Variants in NOL9 observed in about 807,000 individuals in gnomAD.
NOL9 encodes nucleolar protein 9, also known as polynucleotide 5'-hydroxyl-kinase NOL9.
NOL9 carries 28 observed loss-of-function variants against 67.9 expected under a neutral mutation model. The ratio of observed to expected loss-of-function variants is 0.41; its 90% CI spans 0.31 to 0.57. NOL9 has a LOEUF of 0.57. Ranked by LOEUF, NOL9 falls within the 20% of genes least tolerant of loss-of-function variation. NOL9 has a pLI of 0.25. For missense variants in NOL9, 777 were observed against 897.0 expected (o/e 0.87, Z 1.71); for synonymous variants, 356 against 352.2 (o/e 1.01, Z -0.12).
At chr1:6,548,095 C>T (rs371384699) in intron 3 of NOL9, 220 of 227,846 alleles carry the variant, frequency 9.7e-4, no homozygotes, top group Admixed American at 1.4e-3. Flanking sequence ...ATTGGCGTGG[C>T]CCAGGCAGGC....
In NOL9 at chr1:6,532,687, G is replaced by A. The variant is rs1038774099; in HGVS notation, c.1311C>T (p.Asp437=). Residue 437 remains aspartate, a synonymous_variant, in exon 8 of 12, where the codon GAC becomes GAT. Transcript: ENST00000377705. ...TAAGGTCTGGCATATATTTACTGTG[G>A]TCAGAGCGGAACTGAACCACGTGGC... is the stretch of plus-strand genomic sequence containing the variant. ...SPSHVVQFRS[D]HSKYMPDLTP... is the part of the protein sequence containing the mutation. 5 of 1,614,032 alleles carry A rather than the reference G, an allele frequency of 3.1e-6. No homozygotes were observed. The highest frequency in any genetic ancestry group is 1.1e-5 in the South Asian group (1 of 91,094).
chr1:6,527,643 A>AC (rs1006830696), intron 10 of NOL9, among the ~76,000 whole-genome samples: 87 of 151,756 alleles, frequency 5.7e-4, no homozygotes, highest in African/African-American at 2.0e-3. Context: ...ACAAAACAAA[A>AC]AAAAAACAGC....
At chr1:6,526,674 C>T in intron 11 of NOL9, 22 bp downstream of exon 11, 1 of 1,599,066 alleles carries the variant, frequency 6.3e-7, no homozygotes, top group South Asian at 1.1e-5. Context: ...CCTTCCAGGG[C>T]TGTGCCCGGG....
chr1:6,540,905 A>C lies in NOL9; in HGVS notation c.1075+925T>G, dbSNP rs187893225. On this transcript the variant is annotated intron_variant, in intron 6 of 11. Transcript: ENST00000377705. ...AAAAAACTGGAATGATACAGAGAAGACTGGCAATGGGCCCCGCACAAGGAT... is the reference window on the plus strand; with the variant it reads ...AAAAAACTGGAATGATACAGAGAAGCCTGGCAATGGGCCCCGCACAAGGAT... 4.6e-5 allele frequency: 7 copies of C among 152,106 alleles called. No homozygotes were observed. The East Asian group carries it at 1.4e-3, about 29-fold the overall frequency. 9.4% of individuals were successfully genotyped at this position (152,106 alleles called of 1,614,324 possible).
At chr1:6,539,555 G>C (rs1427083933) in intron 6 of NOL9, among the ~76,000 whole-genome samples, 24 of 152,178 alleles carry the variant, frequency 1.6e-4, no homozygotes. Context: ...TGCAATTTCA[G>C]CTCACTGCAG....
chr1:6,532,052 A>G lies in NOL9; in HGVS notation c.1563T>C (p.Asp521=). The G allele has an allele frequency of 5.0e-6, 8 of 1,614,210 alleles. No homozygotes were observed. Among genetic ancestry groups the G allele is most frequent in the Non-Finnish European group, 6.8e-6 (8 of 1,180,026 alleles). The change falls in exon 9 of 12, where the codon GAT becomes GAC. Residue 521 remains aspartate, a synonymous_variant. Coordinates refer to ENST00000377705, the MANE Select transcript of NOL9 (RefSeq NM_024654.5). ...GGCTAAGGTAACTCAAGATGGACAGATCTCGAAGAATTTTGTTATGTGACT... is the reference window on the plus strand; with the variant it reads ...GGCTAAGGTAACTCAAGATGGACAGGTCTCGAAGAATTTTGTTATGTGACT... ...NRESHNKILR[D]LSILSYLSQL... is the part of the protein sequence containing the mutation.
At chr1:6,544,543 A>ACCCCCCCCCC (rs33922236) in intron 5 of NOL9, among the ~76,000 whole-genome samples, 3 of 24,536 alleles carry the variant, frequency 1.2e-4, no homozygotes, top group Non-Finnish European at 2.2e-4. Context: ...GCACACACGC[A>ACCCCCCCCCC]CCCCCCCCCC....
At position 6,554,179 on chromosome 1, in the gene NOL9, G is replaced by C. The variant is rs1639613465; in HGVS notation, c.324C>G (p.His108Gln). The change falls in exon 1 of 12, where the codon CAC (histidine) becomes CAG (glutamine). Residue 108 changes from histidine (H) to glutamine (Q), a missense_variant. Transcript: ENST00000377705. ...EPELESASSC[H>Q]RPLLIPPVRP... ...GCACCGGTGGGATGAGGAGAGGCCGGTGGCAACTCGAGGCGGATTCGAGTT... is the reference window on the plus strand; with the variant it reads ...GCACCGGTGGGATGAGGAGAGGCCGCTGGCAACTCGAGGCGGATTCGAGTT... The C allele has an allele frequency of 6.6e-6, 10 of 1,524,284 alleles. No homozygotes were observed. Among genetic ancestry groups the C allele is most frequent in the Non-Finnish European group, 8.8e-6 (10 of 1,135,484 alleles). The allele number at this position is 1,524,284 out of a possible 1,614,324, so 94.4% of individuals were successfully genotyped here. A position where few individuals can be genotyped will look rare whatever the true frequency, so the allele number is the denominator to read the frequency against.
chr1:6,537,619 C>G (rs1639183563), intron 6 of NOL9, among the ~76,000 whole-genome samples: 1 of 152,102 alleles, frequency 6.6e-6, no homozygotes, highest in Non-Finnish European at 1.5e-5. Flanking sequence ...CAATATGATA[C>G]TGGGTCAAGG....
intron 9 of NOL9, among the ~76,000 whole-genome samples, chr1:6,529,508 A>G (rs1300662658): frequency 1.3e-5 from 2 of 152,116 alleles, no homozygotes; most frequent in East Asian, 3.8e-4. Context: ...GAATCGCTTG[A>G]ACCTGGGAGG....
intron 6 of NOL9, among the ~76,000 whole-genome samples, chr1:6,535,789 A>G (rs909121160): frequency 5.3e-5 from 8 of 152,002 alleles, no homozygotes; most frequent in African/African-American, 1.9e-4. Flanking sequence ...TTAGCCAGGC[A>G]TGGTGGCGGG....
At chr1:6,547,487 G>C (rs1275174418) in intron 3 of NOL9, among the ~76,000 whole-genome samples, 1 of 149,296 alleles carries the variant, frequency 6.7e-6, no homozygotes, top group East Asian at 2.0e-4. Flanking sequence ...GCCCATGGGA[G>C]ACAATTATAG....
intron 9 of NOL9, among the ~76,000 whole-genome samples, chr1:6,529,456 C>A (rs1218241440): frequency 6.6e-6 from 1 of 151,990 alleles, no homozygotes; most frequent in Non-Finnish European, 1.5e-5. Flanking sequence ...GGCATGGTGG[C>A]AGGCGCCTGT....
chr1:6,525,131 C>A lies in NOL9; in HGVS notation c.*723G>T, dbSNP rs1215358084. 6.6e-6 allele frequency: 1 copy of A among 152,036 alleles called. No individual in the cohort carries two copies. The highest frequency in any genetic ancestry group is 2.4e-5 in the African/African-American group (1 of 41,392). 9.4% of individuals were successfully genotyped at this position (152,036 alleles called of 1,614,324 possible). Reference sequence around the variant, plus strand: ...CTCTTGGGTCCAAATTTATATCTATCAAACCCGTTTAAATTTTTCTTTTCT... The same window carrying A: ...CTCTTGGGTCCAAATTTATATCTATAAAACCCGTTTAAATTTTTCTTTTCT... On this transcript the variant is annotated 3_prime_UTR_variant, in exon 12 of 12. Transcript: ENST00000377705.
intron 1 of NOL9, among the ~76,000 whole-genome samples, chr1:6,552,459 TTTTA>T (rs535728501): frequency 2.0e-5 from 3 of 152,144 alleles, no homozygotes; most frequent in Non-Finnish European, 2.9e-5. Flanking sequence ...TTTATTTAAT[TTTTA>T]TTTATTTATT....
intron 9 of NOL9, 140 bp downstream of exon 9, chr1:6,531,828 G>T: frequency 4.3e-6 from 3 of 694,532 alleles, no homozygotes. Context: ...TGGGAATAAC[G>T]ACACAAGCTG....
chr1:6,540,698 C>T (rs938054889), intron 6 of NOL9, among the ~76,000 whole-genome samples: 7 of 151,944 alleles, frequency 4.6e-5, no homozygotes, highest in East Asian at 1.9e-4. Context: ...TGGTGGCGTG[C>T]GCCTGCAGTC....
Position 6,526,111 on chromosome 1 carries a change from G to A in NOL9, c.1960-108C>T, listed in dbSNP as rs1638878560. On this transcript the variant is annotated intron_variant, in intron 11 of 11. Transcript: ENST00000377705. Reference sequence around the variant, plus strand: ...GCAGTGTCATGGTGATGGTCTGGGTGGGGACTTCTCACTTTTAAGGCATTT... The same window carrying A: ...GCAGTGTCATGGTGATGGTCTGGGTAGGGACTTCTCACTTTTAAGGCATTT... 4.1e-6 allele frequency: 4 copies of A among 982,728 alleles called. No homozygotes were observed. In the Admixed American group the frequency reaches 6.1e-5, roughly 15 times the overall value. The allele number at this position is 982,728 out of a possible 1,614,324, so 60.9% of individuals were successfully genotyped here. A position where few individuals can be genotyped will look rare whatever the true frequency, so the allele number is the denominator to read the frequency against.
rs1638829176 is a variant in NOL9, at chr1:6,524,168, C to T, written c.*1686G>A. 2 of 152,298 alleles carry T rather than the reference C, an allele frequency of 1.3e-5. No homozygotes were observed. 9.4% of individuals were successfully genotyped at this position (152,298 alleles called of 1,614,324 possible). A position where few individuals can be genotyped will look rare whatever the true frequency, so the allele number is the denominator to read the frequency against. On this transcript the variant is annotated 3_prime_UTR_variant, in exon 12 of 12. Transcript: ENST00000377705. ...AATCACCATAGCAAGGTTTCCTGTG[C>T]TTATTTTAAGTCCTTTGCTGTTGGG...
Sources: gnomAD v4.1 joint callset for allele counts (sites outside exome capture counted in the v4.1 genomes callset) on GRCh38, gnomAD v4.1.1 for gene constraint, MANE v1.5 for transcripts, NCBI Gene and HGNC (gene_info 2026-07-23, HGNC 2026-07-21) for gene names.